FHIT: variants seen among roughly 807,000 people sequenced by gnomAD.
FHIT encodes fragile histidine triad diadenosine triphosphatase.
In FHIT, 19 loss-of-function variants were observed where a neutral mutation model predicts 17.9. The ratio of observed to expected loss-of-function variants is 1.06; its 90% CI spans 0.74 to 1.56. The LOEUF (loss-of-function observed/expected upper bound fraction) is 1.56, where lower values mean the gene tolerates loss of function less well. Among genes scored for constraint, FHIT ranks in the 40% most tolerant of loss-of-function variants. The pLI is 0.00. For synonymous variants in FHIT, 81 were observed against 69.7 expected, an observed-to-expected ratio of 1.16 and a Z score of -0.81; for missense variants, 248 against 189.2, an observed-to-expected ratio of 1.31 and a Z score of -1.82.
chr3:60,088,698 T>C (rs1703603912), intron 5 of FHIT, among the ~76,000 whole-genome samples: 1 of 152,188 alleles, frequency 6.6e-6, no homozygotes, highest in Non-Finnish European at 1.5e-5. Context: ...CTCAATTCCT[T>C]CTTATTTACT....
chr3:60,022,560 A>C (rs1333077376), intron 5 of FHIT, among the ~76,000 whole-genome samples: 1 of 152,202 alleles, frequency 6.6e-6, no homozygotes, highest in Non-Finnish European at 1.5e-5. Flanking sequence ...CCCGAATTAT[A>C]GGTCAGCAGG....
intron 5 of FHIT, among the ~76,000 whole-genome samples, chr3:60,224,804 T>C (rs1232753204): frequency 6.6e-6 from 1 of 151,926 alleles, no homozygotes; most frequent in Non-Finnish European, 1.5e-5. Context: ...GGCTGAAAAC[T>C]CCGGCTCCCA....
At chr3:60,331,220 A>G (rs780666776) in intron 5 of FHIT, among the ~76,000 whole-genome samples, 18 of 151,822 alleles carry the variant, frequency 1.2e-4, no homozygotes, top group Admixed American at 2.0e-4. Context: ...GCCTTTCTTT[A>G]CTCATCCATC....
intron 5 of FHIT, among the ~76,000 whole-genome samples, chr3:60,249,018 A>C (rs902884718): frequency 2.6e-5 from 4 of 152,268 alleles, no homozygotes; most frequent in East Asian, 1.9e-4. Context: ...TTTTCAGTCA[A>C]TCGAATATAA....
chr3:60,007,388 C>A (rs929827218), intron 7 of FHIT, among the ~76,000 whole-genome samples: 2 of 152,204 alleles, frequency 1.3e-5, no homozygotes, highest in Non-Finnish European at 2.9e-5. Context: ...ATATTGCTGA[C>A]TGCATGCTGG....
chr3:60,580,369 A>G (rs1203158991), intron 4 of FHIT, among the ~76,000 whole-genome samples: 3 of 152,118 alleles, frequency 2.0e-5, no homozygotes, highest in Non-Finnish European at 2.9e-5. Context: ...AAATTAATGA[A>G]TAATCTCTTT....
At chr3:60,906,609 A>C (rs909364062) in intron 3 of FHIT, among the ~76,000 whole-genome samples, 1 of 152,200 alleles carries the variant, frequency 6.6e-6, no homozygotes. Context: ...ACTCCAGGAC[A>C]TACTCAAAGA....
At chr3:61,118,982 G>C (rs973366141) in intron 2 of FHIT, among the ~76,000 whole-genome samples, 1 of 152,144 alleles carries the variant, frequency 6.6e-6, no homozygotes, top group Non-Finnish European at 1.5e-5. Flanking sequence ...ATGATGATCA[G>C]GGAAGACATT....
chr3:60,036,425 T>C (rs972358607), intron 5 of FHIT, among the ~76,000 whole-genome samples: 2 of 152,328 alleles, frequency 1.3e-5, no homozygotes, highest in East Asian at 1.9e-4. Context: ...AATGCCTTGC[T>C]AGATAAATAC....
At chr3:60,338,341 C>G (rs533646443) in intron 5 of FHIT, among the ~76,000 whole-genome samples, 1 of 152,284 alleles carries the variant, frequency 6.6e-6, no homozygotes, top group South Asian at 2.1e-4. Flanking sequence ...TGTAAATCAT[C>G]TAATTATTTA....
chr3:60,963,844 C>A lies in FHIT; in HGVS notation c.-111+78203G>T, dbSNP rs1487061253. Among the ~76,000 whole-genome samples, 4 of 152,334 alleles carry A rather than the reference C, an allele frequency of 2.6e-5. No individual in the cohort carries two copies. In the East Asian group the frequency reaches 7.7e-4, roughly 29 times the overall value. Reference sequence around the variant, plus strand: ...TTTACATTTGCAAAGGAGTGCTTTACTTCCGACTATGTGGTCAGTTTTGGA... The same window carrying A: ...TTTACATTTGCAAAGGAGTGCTTTAATTCCGACTATGTGGTCAGTTTTGGA... On this transcript the variant is annotated intron_variant, in intron 3 of 9. Coordinates refer to ENST00000492590, the MANE Select transcript of FHIT (RefSeq NM_002012.4).
intron 5 of FHIT, among the ~76,000 whole-genome samples, chr3:60,285,694 G>C (rs1489089514): frequency 6.6e-6 from 1 of 152,164 alleles, no homozygotes; most frequent in Non-Finnish European, 1.5e-5. Context: ...GACTGAGAAA[G>C]TCTTGTACTT....
intron 8 of FHIT, among the ~76,000 whole-genome samples, chr3:59,809,973 T>C (rs1700350140): frequency 6.6e-6 from 1 of 152,136 alleles, no homozygotes. Flanking sequence ...TGGTGGTTAC[T>C]AGGGGATACG....
At chr3:59,775,547 CATATT>C (rs150214731) in intron 8 of FHIT, among the ~76,000 whole-genome samples, 22,250 of 152,076 alleles carry the variant, frequency 0.15, 1,763 homozygotes, top group Admixed American at 0.2. Flanking sequence ...ATCTCCCACT[CATATT>C]ATAAACCAAT....
chr3:60,157,715 A>G (rs374368504), intron 5 of FHIT, among the ~76,000 whole-genome samples: 5 of 152,186 alleles, frequency 3.3e-5, no homozygotes, highest in African/African-American at 9.7e-5. Context: ...CTTCTCCCAT[A>G]TATTTTCAAA....
intron 5 of FHIT, among the ~76,000 whole-genome samples, chr3:60,212,302 T>C (rs1703490505): frequency 6.6e-6 from 1 of 152,038 alleles, no homozygotes; most frequent in Admixed American, 6.6e-5. Flanking sequence ...ACTCCCAACA[T>C]AGGGACATGC....
chr3:61,109,333 G>C (rs931567509), intron 2 of FHIT, among the ~76,000 whole-genome samples: 2 of 152,168 alleles, frequency 1.3e-5, no homozygotes, highest in Non-Finnish European at 2.9e-5. Flanking sequence ...CCAACCCAGA[G>C]AGTTGTTCCT....
At chr3:60,873,320 C>T (rs1704496581) in intron 3 of FHIT, among the ~76,000 whole-genome samples, 1 of 152,182 alleles carries the variant, frequency 6.6e-6, no homozygotes, top group Admixed American at 6.6e-5. Flanking sequence ...ACCTATGGCT[C>T]TCTCCAAAGA....
chr3:60,151,112 G>C (rs1222444290), intron 5 of FHIT, among the ~76,000 whole-genome samples: 3 of 152,050 alleles, frequency 2.0e-5, no homozygotes, highest in Non-Finnish European at 2.9e-5. Context: ...CATCATCCAA[G>C]GAACTCTGAT....
Sources: allele counts gnomAD v4.1 joint callset (sites outside exome capture counted in the v4.1 genomes callset), GRCh38; gene constraint gnomAD v4.1.1; transcripts MANE v1.5; gene names NCBI Gene and HGNC (gene_info 2026-07-23, HGNC 2026-07-21).